ZPLD1: variants seen among roughly 807,000 people sequenced by gnomAD.
ZPLD1 encodes zona pellucida-like domain-containing protein 1.
A neutral mutation model predicts 47.2 loss-of-function variants in ZPLD1; 34 were observed. The observed-to-expected ratio is 0.72, with a 90% CI of 0.55 to 0.96. The LOEUF is 0.96. ZPLD1 is among the 40% of genes least tolerant of loss of function. ZPLD1 has a pLI of 0.00. For missense variants in ZPLD1, 512 were observed against 505.8 expected (o/e 1.01, Z -0.12); for synonymous variants, 176 against 186.2 (o/e 0.95, Z 0.45).
chr3:102,455,168 T>C (rs1298362864), intron 4 of ZPLD1, among the ~76,000 whole-genome samples: 3 of 152,260 alleles, frequency 2.0e-5, no homozygotes, highest in African/African-American at 4.8e-5. Flanking sequence ...GGTTCATGCA[T>C]AAAGTTTACT....
chr3:102,479,390 A>T lies in ZPLD1; in HGVS notation c.*1772A>T, dbSNP rs1707805931. 6.6e-6 allele frequency: 1 copy of T among 152,174 alleles called. No homozygotes were observed. Among genetic ancestry groups the T allele is most frequent in the African/African-American group, 2.4e-5 (1 of 41,448 alleles). The allele number at this position is 152,174 out of a possible 1,614,324, so 9.4% of individuals were successfully genotyped here. A position where few individuals can be genotyped will look rare whatever the true frequency, so the allele number is the denominator to read the frequency against. On this transcript the variant is annotated 3_prime_UTR_variant, in exon 12 of 12. Coordinates refer to ENST00000466937, the MANE Select transcript of ZPLD1 (RefSeq NM_001329788.2). The stretch of plus-strand genomic sequence containing the variant: ...AGATACTTTAAGTGAATTGCCATTG[A>T]TTCTACGATTAAGTTCTGTGAATAG...
chr3:102,455,985 T>G (rs1326480751), intron 4 of ZPLD1, among the ~76,000 whole-genome samples: 1 of 152,198 alleles, frequency 6.6e-6, no homozygotes, highest in East Asian at 1.9e-4. Flanking sequence ...ATGAGTAAAG[T>G]GTCTTTGGTA....
chr3:102,420,425 C>T (rs1026757490), intron 8 of ZPLD1, among the ~76,000 whole-genome samples: 4 of 151,830 alleles, frequency 2.6e-5, no homozygotes, highest in Admixed American at 2.6e-4. Flanking sequence ...GGCCAGATCA[C>T]AAATATCTTA....
At chr3:102,476,912 A>G in intron 10 of ZPLD1, 100 bp from the exon 11 acceptor site, 2 of 1,367,998 alleles carry the variant, frequency 1.5e-6, no homozygotes, top group Middle Eastern at 2.3e-4. Context: ...AGGAGATAAC[A>G]GGTAAAAATG....
At position 102,457,851 on chromosome 3, in the gene ZPLD1, A is replaced by G. The variant is rs2107341839; in HGVS notation, c.580A>G (p.Asn194Asp). 1.9e-6 allele frequency: 3 copies of G among 1,613,838 alleles called. No individual in the cohort carries two copies. The highest frequency in any genetic ancestry group is 2.5e-6 in the Non-Finnish European group (3 of 1,179,854). The change falls in exon 6 of 12, where the codon AAC (asparagine) becomes GAC (aspartate). Residue 194 changes from asparagine (N) to aspartate (D), a missense_variant and splice_region_variant. Physicochemically the swap from Asn to Asp is conservative, Grantham distance 23 (BLOSUM62 1). Coordinates refer to ENST00000466937, the MANE Select transcript of ZPLD1 (RefSeq NM_001329788.2). Reference sequence around the variant, plus strand: ...CAGCACTTTGAACCTGCTCCTTTATAACGTAAGTTGATGGGTGAAGGATGT... The same window carrying G: ...CAGCACTTTGAACCTGCTCCTTTATGACGTAAGTTGATGGGTGAAGGATGT... ...FVSTLNLLLYNDSTYNQQLII... is the reference protein window; with the variant it reads ...FVSTLNLLLYDDSTYNQQLII...
At chr3:102,451,804 C>T (rs574558092) in intron 3 of ZPLD1, among the ~76,000 whole-genome samples, 4 of 152,234 alleles carry the variant, frequency 2.6e-5, no homozygotes, top group South Asian at 2.1e-4. Flanking sequence ...GTCTCTGTCT[C>T]TTCATTGGAT....
intron 8 of ZPLD1, among the ~76,000 whole-genome samples, chr3:102,418,783 A>G (rs907169669): frequency 2.6e-5 from 4 of 152,000 alleles, no homozygotes; most frequent in Admixed American, 1.3e-4. Context: ...TTATGGTGTG[A>G]TTTTCTTTTA....
intron 8 of ZPLD1, among the ~76,000 whole-genome samples, chr3:102,420,970 A>G (rs1706870741): frequency 6.6e-6 from 1 of 152,070 alleles, no homozygotes; most frequent in East Asian, 1.9e-4. Context: ...CAAAAAGTAT[A>G]TTTAGTTTGA....
At chr3:102,393,587 T>C (rs896791122) in intron 7 of ZPLD1, among the ~76,000 whole-genome samples, 1 of 151,970 alleles carries the variant, frequency 6.6e-6, no homozygotes, top group Non-Finnish European at 1.5e-5. Context: ...GGCAGAAATC[T>C]ACCTAACCTG....
In ZPLD1 at chr3:102,468,970, C is replaced by G. The variant is rs1172563153; in HGVS notation, c.768C>G (p.Asp256Glu). The part of the protein sequence containing the change: ...DIRYDLFLSC[D>E]KDPQTTVIEN... The stretch of plus-strand genomic sequence containing the variant: ...CACGTTCCCTAAAATTTAGCTGTGA[C>G]AAGGACCCTCAGACCACCGTCATTG... Residue 256 changes from aspartate (D) to glutamate (E), a missense_variant, in exon 9 of 12, where the codon GAC becomes GAG. By Grantham distance (45) the Asp-to-Glu change is conservative. Coordinates refer to ENST00000466937, the MANE Select transcript of ZPLD1 (RefSeq NM_001329788.2). 1.2e-6 allele frequency: 2 copies of G among 1,611,438 alleles called. No homozygotes were observed. Among genetic ancestry groups the G allele is most frequent in the Admixed American group, 3.4e-5 (2 of 59,464 alleles).
chr3:102,464,055 A>G (rs894444033), intron 7 of ZPLD1, 116 bp from the exon 8 acceptor site: 1 of 780,452 alleles, frequency 1.3e-6, no homozygotes, highest in African/African-American at 1.7e-5. Context: ...GTCTCAAAAA[A>G]AGAAAAGAAA....
Position 102,388,481 on chromosome 3 carries a change from G to A in ZPLD1, c.-213+3164G>A, listed in dbSNP as rs192659394. Among the ~76,000 whole-genome samples the A allele has an allele frequency of 2.4e-3, 361 of 147,526 alleles. 1 individual carries two copies. Among genetic ancestry groups the A allele is most frequent in the African/African-American group, 8.7e-3 (347 of 40,028 alleles). On this transcript the variant is annotated intron_variant, in intron 6 of 17. Transcript: ENST00000491959. Reference sequence around the variant, plus strand: ...TGTGTGTGTGTGTGTGTGTGTGTGTGTGTCTTTCTGTTATATGTATATAAT... The same window carrying A: ...TGTGTGTGTGTGTGTGTGTGTGTGTATGTCTTTCTGTTATATGTATATAAT...
At chr3:102,477,166 T>C in intron 11 of ZPLD1, 125 bp downstream of exon 11, 1 of 1,097,342 alleles carries the variant, frequency 9.1e-7, no homozygotes, top group Non-Finnish European at 1.4e-6. Context: ...AACAGTTCAC[T>C]GAGGGTTTTC....
intron 6 of ZPLD1, among the ~76,000 whole-genome samples, chr3:102,390,348 A>G (rs991015605): frequency 1.1e-4 from 16 of 152,200 alleles, no homozygotes; most frequent in Admixed American, 1.0e-3. Context: ...TAGTACCACC[A>G]TACTATCAAT....
At chr3:102,448,952 G>A (rs1707297444) in intron 3 of ZPLD1, among the ~76,000 whole-genome samples, 1 of 152,174 alleles carries the variant, frequency 6.6e-6, no homozygotes. Context: ...TGAAGTTGTA[G>A]TGAACTCTCT....
intron 8 of ZPLD1, among the ~76,000 whole-genome samples, chr3:102,467,101 G>A (rs1404563510): frequency 1.3e-5 from 2 of 152,068 alleles, no homozygotes; most frequent in Non-Finnish European, 2.9e-5. Context: ...CAACAAGTAA[G>A]TAAGGAAGTA....
rs920329422 is a variant in ZPLD1 at position 102,402,303 on chromosome 3, C to T, written c.-157+10078C>T. On this transcript the variant is annotated intron_variant, in intron 7 of 17. Coordinates refer to the ZPLD1 transcript ENST00000491959. ...TTCTACCATTCACTCATTCACTAAA[C>T]ATTTATTGGGCACTAACCATTTCTT... Among the ~76,000 whole-genome samples the T allele has an allele frequency of 2.0e-5, 3 of 151,946 alleles. No homozygotes were observed. The East Asian group carries it at 5.8e-4, about 30-fold the overall frequency.
intron 3 of ZPLD1, among the ~76,000 whole-genome samples, chr3:102,447,236 T>A (rs1272411716): frequency 6.6e-6 from 1 of 152,044 alleles, no homozygotes; most frequent in Non-Finnish European, 1.5e-5. Context: ...TGGCTAATTT[T>A]TGTATTTTTA....
chr3:102,432,518 C>T (rs1266398253), upstream of ZPLD1, among the ~76,000 whole-genome samples: 1 of 152,078 alleles, frequency 6.6e-6, no homozygotes, highest in African/African-American at 2.4e-5. Context: ...TATATCAAGG[C>T]AATGAAATTA....
Sources: gnomAD v4.1 joint callset for allele counts (sites outside exome capture counted in the v4.1 genomes callset) on GRCh38, gnomAD v4.1.1 for gene constraint, MANE v1.5 for transcripts, NCBI Gene and HGNC (gene_info 2026-07-23, HGNC 2026-07-21) for gene names.